The following GRK5 variants were observed in gnomAD, a reference collection of about 807,000 sequenced individuals.
GRK5 encodes the protein g protein-coupled receptor kinase GRK5.
Under a neutral mutation model 78.4 loss-of-function variants are expected in GRK5, and 40 were observed. That is an observed-to-expected ratio of 0.51 (90% CI 0.40 to 0.66). The LOEUF (loss-of-function observed/expected upper bound fraction) is 0.66. Among genes scored for constraint, GRK5 ranks in the 30% least tolerant of loss-of-function variants. The probability of loss-of-function intolerance (pLI) is 0.00; values close to 1 mark genes in which losing one functional copy is unlikely to be tolerated. For missense variants in GRK5, 598 were observed against 759.9 expected, an observed-to-expected ratio of 0.79 and a Z score of 2.50; for synonymous variants, 289 against 296.8, an observed-to-expected ratio of 0.97 and a Z score of 0.27.
intron 1 of GRK5, among the ~76,000 whole-genome samples, chr10:119,218,900 T>A (rs1438629678): frequency 1.7e-5 from 2 of 120,878 alleles, no homozygotes; most frequent in Non-Finnish European, 3.2e-5. Context: ...AATCTGAAAC[T>A]TTTTTTTTTT....
chr10:119,327,318 C>G (rs1043465214), intron 2 of GRK5, among the ~76,000 whole-genome samples: 2 of 152,186 alleles, frequency 1.3e-5, no homozygotes, highest in Admixed American at 6.5e-5. Flanking sequence ...GCGAGAGCGC[C>G]CAGGGGACAG....
chr10:119,446,568 T>C (rs1223499526), intron 12 of GRK5, among the ~76,000 whole-genome samples: 3 of 150,938 alleles, frequency 2.0e-5, no homozygotes, highest in African/African-American at 7.3e-5. Context: ...CTTAGAACAG[T>C]GCAGCACCTG....
chr10:119,332,564 C>T (rs1476519406), intron 2 of GRK5, among the ~76,000 whole-genome samples: 3 of 152,176 alleles, frequency 2.0e-5, no homozygotes, highest in Non-Finnish European at 4.4e-5. Context: ...GAAGGAAGTG[C>T]AAATTTTCAG....
At chr10:119,313,232 G>GATGGTGGTGGTA (rs1159113949) in intron 1 of GRK5, among the ~76,000 whole-genome samples, 2 of 151,134 alleles carry the variant, frequency 1.3e-5, no homozygotes, top group Non-Finnish European at 3.0e-5. Context: ...CGGTAGTGAT[G>GATGGTGGTGGTA]ATGGTGGTGG....
At position 119,296,174 on chromosome 10, in the gene GRK5, G is replaced by A. The variant is rs985554140; in HGVS notation, c.53-30342G>A. On this transcript the variant is annotated intron_variant, in intron 1 of 15. Coordinates refer to ENST00000392870, the MANE Select transcript of GRK5 (RefSeq NM_005308.3). ...TCCTCGACATATTGGCTTGGTTCTC[G>A]GGCTTGTCCCTTCATGTCACAAAAT... is the stretch of plus-strand genomic sequence containing the variant. Among the ~76,000 whole-genome samples, 35 of 152,096 alleles carry A rather than the reference G, an allele frequency of 2.3e-4. 1 individual carries two copies. Among genetic ancestry groups the A allele is most frequent in the African/African-American group, 3.9e-4 (16 of 41,404 alleles).
rs10578557 is a variant in GRK5 at position 119,411,842 on chromosome 10, C to CTTTTTTTTTTTTTTTTTTTTTTTTTTTTT, written c.340-11298_340-11297insTTTTTTTTTTTTTTTTTTTTTTTTTTTTT. 2.1e-5 allele frequency among the ~76,000 whole-genome samples: 2 copies of CTTTTTTTTTTTTTTTTTTTTTTTTTTTTT among 95,984 alleles called. 1 individual carries two copies. The highest frequency in any genetic ancestry group is 7.1e-5 in the African/African-American group (2 of 27,974). The allele number at this position is 95,984 out of a possible 152,430, so 63.0% of individuals were successfully genotyped here. ...CCTCAGCTTCATTGCAGATCTGCTTCTTTTTTTTTTTTTTTTTTTTTTTTT... is the reference window on the plus strand; with the variant it reads ...CCTCAGCTTCATTGCAGATCTGCTTCTTTTTTTTTTTTTTTTTTTTTTTTTTTTTTTTTTTTTTTTTTTTTTTTTTTTTT... On this transcript the variant is annotated intron_variant, in intron 4 of 15. Coordinates refer to ENST00000392870, the MANE Select transcript of GRK5 (RefSeq NM_005308.3).
At chr10:119,333,807 C>T (rs372694414) in intron 2 of GRK5, 2 of 533,114 alleles carry the variant, frequency 3.8e-6, no homozygotes, top group South Asian at 1.4e-5. Flanking sequence ...GCTCATCCAC[C>T]AAGGAGCATG....
At chr10:119,282,166 A>T (rs1391709508) in intron 1 of GRK5, among the ~76,000 whole-genome samples, 1 of 152,090 alleles carries the variant, frequency 6.6e-6, no homozygotes, top group African/African-American at 2.4e-5. Flanking sequence ...CAAACCACTG[A>T]CTTCACTTGC....
At chr10:119,339,124 T>C (rs1850940907) in intron 2 of GRK5, among the ~76,000 whole-genome samples, 1 of 152,172 alleles carries the variant, frequency 6.6e-6, no homozygotes, top group Non-Finnish European at 1.5e-5. Context: ...ATGGACAAAG[T>C]GGATGATGTT....
At chr10:119,373,770 T>C (rs1259682282) in intron 2 of GRK5, among the ~76,000 whole-genome samples, 5 of 152,046 alleles carry the variant, frequency 3.3e-5, no homozygotes, top group African/African-American at 1.2e-4. Context: ...GAAATGAAAA[T>C]GGTGCGGATA....
At chr10:119,433,943 T>C (rs1363260420) in intron 8 of GRK5, among the ~76,000 whole-genome samples, 1 of 152,236 alleles carries the variant, frequency 6.6e-6, no homozygotes, top group African/African-American at 2.4e-5. Flanking sequence ...GATGGACTTA[T>C]GGTTCCATGT....
intron 1 of GRK5, among the ~76,000 whole-genome samples, chr10:119,319,891 A>T (rs886271229): frequency 6.7e-6 from 1 of 150,044 alleles, no homozygotes; most frequent in African/African-American, 2.4e-5. Flanking sequence ...GGAGGTTGTC[A>T]TTTATTCCTG....
intron 2 of GRK5, among the ~76,000 whole-genome samples, chr10:119,332,694 TC>T (rs1850802548): frequency 1.3e-5 from 2 of 152,296 alleles, no homozygotes; most frequent in South Asian, 4.1e-4. Flanking sequence ...GAGCTGGCCC[TC>T]ACCTTCATCT....
chr10:119,230,830 C>CAA (rs5788332), intron 1 of GRK5, among the ~76,000 whole-genome samples: 11,244 of 60,862 alleles, frequency 0.18, 1,445 homozygotes, highest in African/African-American at 0.28. Flanking sequence ...GACCCTATCT[C>CAA]AAAAAAAAAA....
intron 2 of GRK5, among the ~76,000 whole-genome samples, chr10:119,368,804 C>G (rs1388950165): frequency 1.3e-5 from 2 of 152,242 alleles, no homozygotes; most frequent in African/African-American, 4.8e-5. Context: ...CTTGCCTCCG[C>G]CCAGGGACCT....
chr10:119,380,771 G>A (rs756287393), intron 2 of GRK5, 44 bp from the exon 3 acceptor site: 1 of 1,248,860 alleles, frequency 8.0e-7, no homozygotes, highest in Non-Finnish European at 1.2e-6. Context: ...GCCCTGCCTG[G>A]CCTTCTCCTG....
chr10:119,374,051 G>T (rs533327734), intron 2 of GRK5, among the ~76,000 whole-genome samples: 1 of 152,248 alleles, frequency 6.6e-6, no homozygotes, highest in South Asian at 2.1e-4. Flanking sequence ...GCGAGATCAG[G>T]AATCCCTATT....
Position 119,452,838 on chromosome 10 carries a change from TG to T in GRK5, c.1542+33del. 3 of 523,564 alleles carry T rather than the reference TG, an allele frequency of 5.7e-6. No homozygotes were observed. Among genetic ancestry groups the T allele is most frequent in the Non-Finnish European group, 1.1e-5 (3 of 261,084 alleles). 32.4% of individuals were successfully genotyped at this position (523,564 alleles called of 1,614,324 possible). A position where few individuals can be genotyped will look rare whatever the true frequency, so the allele number is the denominator to read the frequency against. Reference sequence around the variant, plus strand: ...GCAGGGCAGACCACTTGCTTTGGTCTGGGTGGGAGGGAGGGACTGACGGGTG... The same window carrying T: ...GCAGGGCAGACCACTTGCTTTGGTCTGGTGGGAGGGAGGGACTGACGGGTG... On this transcript the variant is annotated intron_variant, in intron 14 of 15. Transcript: ENST00000392870. The surrounding 1 kb of genome is among the most constrained non-coding windows in gnomAD (Gnocchi z 4.4).
At chr10:119,257,840 G>A (rs955663850) in intron 1 of GRK5, among the ~76,000 whole-genome samples, 1 of 152,224 alleles carries the variant, frequency 6.6e-6, no homozygotes, top group African/African-American at 2.4e-5. Flanking sequence ...TTATGGCTAT[G>A]CCCTGGCTGT....
Sources: allele counts gnomAD v4.1 joint callset (sites outside exome capture counted in the v4.1 genomes callset), GRCh38; gene constraint gnomAD v4.1.1; non-coding constraint Gnocchi (gnomAD v3.1); transcripts MANE v1.5; gene names NCBI Gene and HGNC (gene_info 2026-07-23, HGNC 2026-07-21).